ADSS2: variants seen among roughly 807,000 people sequenced by gnomAD.
ADSS2 encodes the protein adenylosuccinate synthase 2.
In ADSS2, 30 loss-of-function variants were observed where a neutral mutation model predicts 60.0. The ratio of observed to expected loss-of-function variants is 0.50; its 90% CI spans 0.37 to 0.68. The LOEUF (loss-of-function observed/expected upper bound fraction) is 0.68, where lower values mean the gene tolerates loss of function less well. ADSS2 is among the 30% of genes least tolerant of loss of function. The pLI, the probability that ADSS2 is intolerant of heterozygous loss-of-function variation, is 0.00. For synonymous variants in ADSS2, 187 were observed against 193.1 expected (o/e 0.97, Z 0.26); for missense variants, 373 against 554.8 (o/e 0.67, Z 3.29).
At chr1:244,434,304 G>A (rs557231928) in intron 3 of ADSS2, among the ~76,000 whole-genome samples, 1 of 151,420 alleles carries the variant, frequency 6.6e-6, no homozygotes, top group African/African-American at 2.4e-5. Context: ...TCACTACTGT[G>A]TTCACACCAC....
intron 11 of ADSS2, among the ~76,000 whole-genome samples, chr1:244,413,745 T>TG (rs1295416811): frequency 6.6e-6 from 1 of 151,998 alleles, no homozygotes; most frequent in Non-Finnish European, 1.5e-5. Context: ...GCTACACAGT[T>TG]GGGGGTGGAA....
At chr1:244,435,021 A>T (rs189616819) in intron 3 of ADSS2, among the ~76,000 whole-genome samples, 77 of 151,964 alleles carry the variant, frequency 5.1e-4, no homozygotes, top group African/African-American at 1.7e-3. Context: ...ACAAAAAATT[A>T]GCTGGGCATG....
In ADSS2 at chr1:244,409,551, C is replaced by T. The variant is rs901724210; in HGVS notation, c.*35G>A. The T allele has an allele frequency of 1.3e-5, 20 of 1,529,458 alleles. No homozygotes were observed. The highest frequency in any genetic ancestry group is 5.5e-5 in the African/African-American group (4 of 72,798). 94.7% of individuals were successfully genotyped at this position (1,529,458 alleles called of 1,614,324 possible). On this transcript the variant is annotated 3_prime_UTR_variant, in exon 13 of 13. Coordinates refer to ENST00000366535, the MANE Select transcript of ADSS2 (RefSeq NM_001126.5). ...TATTTAAGAAAGTCTTTTCCCCTCCCTCTCAAGGAGTGTTTCTTGCATTAC... is the reference window on the plus strand; with the variant it reads ...TATTTAAGAAAGTCTTTTCCCCTCCTTCTCAAGGAGTGTTTCTTGCATTAC...
In ADSS2 at chr1:244,443,026, T is replaced by C. The variant is rs546507433; in HGVS notation, c.184-5258A>G. On this transcript the variant is annotated intron_variant, in intron 1 of 12. Coordinates refer to ENST00000366535, the MANE Select transcript of ADSS2 (RefSeq NM_001126.5). Reference sequence around the variant, plus strand: ...AAGGGCAGATGGAGCTGCTCCTACATGGGCCCATGGGCAACTCTGTGTAAT... The same window carrying C: ...AAGGGCAGATGGAGCTGCTCCTACACGGGCCCATGGGCAACTCTGTGTAAT... Among the ~76,000 whole-genome samples the C allele has an allele frequency of 5.3e-5, 8 of 152,262 alleles. No individual in the cohort carries two copies. The South Asian group carries it at 1.7e-3, about 32-fold the overall frequency.
rs747445427 is a variant in ADSS2, at chr1:244,416,009, T to C, written c.1140A>G (p.Leu380=). 5 of 1,613,578 alleles carry C rather than the reference T, an allele frequency of 3.1e-6. No homozygotes were observed. The South Asian group carries it at 3.3e-5, about 11-fold the overall frequency. ...GGATATGAGGTATGATTTCACCATC[T>C]AACTTGTAAGCAACTCCAACTTTGA... ...TEIKVGVAYK[L]DGEIIPHIPA... Residue 380 remains leucine (L), a synonymous_variant, in exon 11 of 13, where the codon TTA becomes TTG. Transcript: ENST00000366535.
rs529137600 is a variant in ADSS2 at position 244,444,068 on chromosome 1, T to C, written c.184-6300A>G. Among the ~76,000 whole-genome samples, 10 of 152,362 alleles carry C rather than the reference T, an allele frequency of 6.6e-5. No homozygotes were observed. In the South Asian group the frequency reaches 1.4e-3, roughly 22 times the overall value. On this transcript the variant is annotated intron_variant, in intron 1 of 12. Transcript: ENST00000366535. ...AAAAGCATAAGCTTATAATGCCTTATATGATGTTCTTCTTATATTAAATAC... is the reference window on the plus strand; with the variant it reads ...AAAAGCATAAGCTTATAATGCCTTACATGATGTTCTTCTTATATTAAATAC...
intron 11 of ADSS2, among the ~76,000 whole-genome samples, chr1:244,413,151 G>C (rs1399870857): frequency 5.3e-5 from 8 of 152,208 alleles, no homozygotes. Context: ...GGGGCAGCAG[G>C]TGGTAGAACA....
upstream of ADSS2, chr1:244,451,968 A>C (rs1665638993): frequency 1.3e-6 from 1 of 751,446 alleles, no homozygotes; most frequent in Non-Finnish European, 2.0e-6. The surrounding 1 kb of genome is among the most constrained non-coding windows in gnomAD (Gnocchi z 6.6). Context: ...CCCTCCAGCC[A>C]GTCCCCGCCC....
At position 244,411,320 on chromosome 1, in the gene ADSS2, C is replaced by CAT; in HGVS notation, c.1283_1284dup (p.Val429MetfsTer25). ...TGAAGCTCATCTTCAATAAATCGAA[C>CAT]ATAGTTTTGTGCATTAACAGGTAGT... is the stretch of plus-strand genomic sequence containing the variant. On this transcript the variant is annotated frameshift_variant, in exon 12 of 13. Coordinates refer to ENST00000366535, the MANE Select transcript of ADSS2 (RefSeq NM_001126.5). LOFTEE classifies it high-confidence loss of function. The CAT allele has an allele frequency of 6.2e-7, 1 of 1,613,098 alleles. No homozygotes were observed. The highest frequency in any genetic ancestry group is 8.5e-7 in the Non-Finnish European group (1 of 1,179,722).
chr1:244,451,901 C>G lies in ADSS2; in HGVS notation c.-84G>C. 1 of 1,358,242 alleles carries G rather than the reference C, an allele frequency of 7.4e-7. No individual in the cohort carries two copies. The highest frequency in any genetic ancestry group is 9.7e-7 in the Non-Finnish European group (1 of 1,036,124). The allele number at this position is 1,358,242 out of a possible 1,614,324, so 84.1% of individuals were successfully genotyped here. ...TGAACTGCTCTGCGGCCGCCAGCCACATGCAGAGGAAGAAGGAGCCAGAGG... is the reference window on the plus strand; with the variant it reads ...TGAACTGCTCTGCGGCCGCCAGCCAGATGCAGAGGAAGAAGGAGCCAGAGG... On this transcript the variant is annotated 5_prime_UTR_variant, in exon 1 of 13. It removes an upstream start codon present in the reference 5' UTR. Coordinates refer to ENST00000366535, the MANE Select transcript of ADSS2 (RefSeq NM_001126.5). This position sits in a 1 kb window ranked among gnomAD's most constrained non-coding sequence, Gnocchi z 6.6.
chr1:244,408,650 AAGG>A lies in ADSS2; in HGVS notation c.*933_*935del, dbSNP rs1291702539. 6.6e-6 allele frequency: 1 copy of A among 152,458 alleles called. No homozygotes were observed. Among genetic ancestry groups the A allele is most frequent in the Non-Finnish European group, 1.5e-5 (1 of 67,958 alleles). 9.4% of individuals were successfully genotyped at this position (152,458 alleles called of 1,614,324 possible). A position where few individuals can be genotyped will look rare whatever the true frequency, so the allele number is the denominator to read the frequency against. ...AAATAACACCTTTTTTTTTTCAAGA[AAGG>A]AGAAATAAAGGCATAATCAAAATTA... On this transcript the variant is annotated 3_prime_UTR_variant, in exon 13 of 13. Transcript: ENST00000366535.
At position 244,451,297 on chromosome 1, in the gene ADSS2, C is replaced by T. The variant is rs2148022536; in HGVS notation, c.183+338G>A. On this transcript the variant is annotated intron_variant, in intron 1 of 12. Transcript: ENST00000366535. The surrounding 1 kb of genome is among the most constrained non-coding windows in gnomAD (Gnocchi z 6.6). The stretch of plus-strand genomic sequence containing the variant: ...GCGGTAGCTCCTCAAACTCGGACCG[C>T]ATCCCACCTCCACCCCGGCCTCAGT... Among the ~76,000 whole-genome samples the T allele has an allele frequency of 6.6e-6, 1 of 152,334 alleles. No individual in the cohort carries two copies. Among genetic ancestry groups the T allele is most frequent in the Middle Eastern group, 3.4e-3 (1 of 294 alleles).
intron 4 of ADSS2, among the ~76,000 whole-genome samples, chr1:244,427,934 T>C (rs971645314): frequency 2.0e-5 from 3 of 152,142 alleles, no homozygotes; most frequent in African/African-American, 7.2e-5. Flanking sequence ...AAAATCAGAA[T>C]TGTAAACATA....
rs1484178205 is a variant in ADSS2 at position 244,424,000 on chromosome 1, T to C, written c.534A>G (p.Gly178=). The part of the protein sequence containing the change: ...PVYSSKAARS[G]LRMCDLVSDF... ...CAGAAACAAGGTCGCACATCCTGAG[T>C]CCACTCCGAGCAGCTTTGGACGAAT... Residue 178 remains glycine (G), a synonymous_variant, in exon 6 of 13, where the codon GGA becomes GGG. Transcript: ENST00000366535. 3 of 1,613,524 alleles carry C rather than the reference T, an allele frequency of 1.9e-6. No individual in the cohort carries two copies. The African/African-American group carries it at 4.0e-5, about 22-fold the overall frequency.
rs1664344354 is a variant in ADSS2 at position 244,408,884 on chromosome 1, A to G, written c.*702T>C. 6.6e-6 allele frequency: 1 copy of G among 152,498 alleles called. No individual in the cohort carries two copies. Among genetic ancestry groups the G allele is most frequent in the South Asian group, 2.1e-4 (1 of 4,834 alleles). The allele number at this position is 152,498 out of a possible 1,614,324, so 9.4% of individuals were successfully genotyped here. A position where few individuals can be genotyped will look rare whatever the true frequency, so the allele number is the denominator to read the frequency against. On this transcript the variant is annotated 3_prime_UTR_variant, in exon 13 of 13. Coordinates refer to ENST00000366535, the MANE Select transcript of ADSS2 (RefSeq NM_001126.5). ...ATCTTTTAATGACTATTTTTAACAT[A>G]AAGATTGTTGTTTTGGGAAACATCT...
intron 3 of ADSS2, among the ~76,000 whole-genome samples, chr1:244,435,194 A>AAC (rs1553308064): frequency 7.8e-5 from 10 of 127,850 alleles, no homozygotes; most frequent in African/African-American, 3.2e-4. Context: ...AAAAAAAAAA[A>AAC]AAACAAACCT....
chr1:244,442,507 C>T (rs1400445555), intron 1 of ADSS2, among the ~76,000 whole-genome samples: 3 of 151,944 alleles, frequency 2.0e-5, no homozygotes, highest in Non-Finnish European at 2.9e-5. Context: ...AAGTTGTTTC[C>T]GTATGGAAAC....
At chr1:244,439,092 CAT>C (rs796290551) in intron 1 of ADSS2, among the ~76,000 whole-genome samples, 2 of 152,272 alleles carry the variant, frequency 1.3e-5, no homozygotes, top group African/African-American at 4.8e-5. Flanking sequence ...TCTCTATCTC[CAT>C]GAGTTCCACT....
intron 10 of ADSS2, among the ~76,000 whole-genome samples, chr1:244,416,607 C>A (rs911585034): frequency 3.9e-5 from 6 of 152,184 alleles, no homozygotes; most frequent in African/African-American, 1.2e-4. Flanking sequence ...TACGCATGAG[C>A]CACCATGCCC....
Sources: allele counts gnomAD v4.1 joint callset (sites outside exome capture counted in the v4.1 genomes callset), GRCh38; gene constraint gnomAD v4.1.1; non-coding constraint Gnocchi (gnomAD v3.1); transcripts MANE v1.5; gene names NCBI Gene and HGNC (gene_info 2026-07-23, HGNC 2026-07-21).